Variants in TBXAS1 observed in about 807,000 individuals in gnomAD.
The protein encoded by TBXAS1 is thromboxane-A synthase.
Under a neutral mutation model 60.7 loss-of-function variants are expected in TBXAS1, and 48 were observed. That is an observed-to-expected ratio of 0.79 (90% CI 0.63 to 1.01). The LOEUF (loss-of-function observed/expected upper bound fraction) is 1.01, where lower values mean the gene tolerates loss of function less well. TBXAS1 is among the 50% of genes least tolerant of loss of function. The probability of loss-of-function intolerance (pLI) is 0.00; values close to 1 mark genes in which losing one functional copy is unlikely to be tolerated. For missense variants in TBXAS1, 685 were observed against 686.3 expected, an observed-to-expected ratio of 1.00 and a Z score of 0.02; for synonymous variants, 287 against 269.7, an observed-to-expected ratio of 1.06 and a Z score of -0.63.
At chr7:139,830,831 A>G (rs181318438) in intron 1 of TBXAS1, among the ~76,000 whole-genome samples, 1 of 152,202 alleles carries the variant, frequency 6.6e-6, no homozygotes, top group East Asian at 1.9e-4. Flanking sequence ...ATTCATATTA[A>G]TCTCATCAAT....
intron 5 of TBXAS1, among the ~76,000 whole-genome samples, chr7:139,944,202 G>A (rs1022272684): frequency 2.6e-5 from 4 of 152,158 alleles, no homozygotes; most frequent in Non-Finnish European, 4.4e-5. Flanking sequence ...GAGTAGCACC[G>A]GAATTGAGCT....
chr7:139,909,655 GAGA>G (rs201628094), intron 3 of TBXAS1, among the ~76,000 whole-genome samples: 201 of 152,226 alleles, frequency 1.3e-3, no homozygotes, highest in African/African-American at 4.5e-3. Context: ...CATAGTTAAT[GAGA>G]AGGAGAAGAA....
intron 4 of TBXAS1, among the ~76,000 whole-genome samples, chr7:139,926,593 C>T (rs1806895528): frequency 6.9e-6 from 1 of 145,056 alleles, no homozygotes; most frequent in Non-Finnish European, 1.5e-5. Context: ...TTTATTTTGT[C>T]GATCTTTTGT....
intron 4 of TBXAS1, among the ~76,000 whole-genome samples, chr7:139,793,588 T>C (rs1797458694): frequency 6.6e-6 from 1 of 152,110 alleles, no homozygotes; most frequent in Admixed American, 6.6e-5. Context: ...TGTTATAAAT[T>C]TGATGGACTT....
intron 4 of TBXAS1, among the ~76,000 whole-genome samples, chr7:139,918,112 C>T (rs1271977991): frequency 6.6e-6 from 1 of 152,100 alleles, no homozygotes; most frequent in Non-Finnish European, 1.5e-5. Context: ...TTTCTTCTTC[C>T]CATTTTCCCT....
intron 4 of TBXAS1, among the ~76,000 whole-genome samples, chr7:139,819,758 C>T (rs963954153): frequency 6.6e-6 from 1 of 152,038 alleles, no homozygotes; most frequent in African/African-American, 2.4e-5. Context: ...CTGCCTTGGC[C>T]TCCTAAAGTG....
At chr7:139,986,911 C>T (rs1239993202) in intron 9 of TBXAS1, among the ~76,000 whole-genome samples, 2 of 151,726 alleles carry the variant, frequency 1.3e-5, no homozygotes, top group African/African-American at 2.4e-5. Context: ...CTTTTAACCA[C>T]TATGCGATCT....
chr7:139,788,447 A>G (rs946621947), intron 4 of TBXAS1, among the ~76,000 whole-genome samples: 1 of 152,250 alleles, frequency 6.6e-6, no homozygotes, highest in Non-Finnish European at 1.5e-5. Context: ...AAGTGTCTAG[A>G]ACAGTGCCTT....
intron 9 of TBXAS1, among the ~76,000 whole-genome samples, chr7:139,981,402 C>T (rs1811969002): frequency 6.6e-6 from 1 of 152,256 alleles, no homozygotes; most frequent in Non-Finnish European, 1.5e-5. Context: ...AGGCATGAGC[C>T]ACCATGCCCG....
chr7:139,793,585 A>C (rs1797458587), intron 4 of TBXAS1, among the ~76,000 whole-genome samples: 1 of 152,162 alleles, frequency 6.6e-6, no homozygotes, highest in Non-Finnish European at 1.5e-5. Context: ...TCTTGTTATA[A>C]ATTTGATGGA....
chr7:139,888,897 T>A (rs1803331233), intron 3 of TBXAS1, among the ~76,000 whole-genome samples: 1 of 148,212 alleles, frequency 6.7e-6, no homozygotes. Flanking sequence ...AGGTATAGAG[T>A]GGAGAAGGGG....
intron 9 of TBXAS1, among the ~76,000 whole-genome samples, chr7:139,967,209 G>A (rs1421618792): frequency 1.3e-5 from 2 of 152,142 alleles, no homozygotes; most frequent in African/African-American, 4.8e-5. Flanking sequence ...CACCCACAGT[G>A]GCCACCTTCT....
Position 139,975,956 on chromosome 7 carries a change from G to A in TBXAS1, c.1134+13723G>A, listed in dbSNP as rs995775210. On this transcript the variant is annotated intron_variant, in intron 9 of 12. Coordinates refer to ENST00000448866, the MANE Select transcript of TBXAS1 (RefSeq NM_001061.7). This position sits in a 1 kb window ranked among gnomAD's most constrained non-coding sequence, Gnocchi z 4.4. ...TCTGCCACAGCAGGCACTCTGCTTC[G>A]TGCCTTTCTCACTTCCATTTGTAAA... Among the ~76,000 whole-genome samples, 6 of 152,346 alleles carry A rather than the reference G, an allele frequency of 3.9e-5. No homozygotes were observed. Among genetic ancestry groups the A allele is most frequent in the African/African-American group, 1.4e-4 (6 of 41,574 alleles).
At chr7:139,984,733 A>G (rs960203469) in intron 9 of TBXAS1, among the ~76,000 whole-genome samples, 1 of 147,012 alleles carries the variant, frequency 6.8e-6, no homozygotes, top group Non-Finnish European at 1.5e-5. Flanking sequence ...AAAGAAAGAA[A>G]GAAAGAAGAA....
chr7:140,005,390 C>T (rs965919918), intron 9 of TBXAS1, among the ~76,000 whole-genome samples: 1 of 152,112 alleles, frequency 6.6e-6, no homozygotes, highest in East Asian at 1.9e-4. Context: ...GATCACACCA[C>T]TGCACTCCAG....
intron 3 of TBXAS1, among the ~76,000 whole-genome samples, chr7:139,894,044 G>A (rs117326991): frequency 2.0e-5 from 3 of 152,170 alleles, no homozygotes; most frequent in African/African-American, 7.2e-5. Flanking sequence ...GGCCAGGGGG[G>A]AGGCTATCTT....
At chr7:139,987,968 A>G (rs1378211354) in intron 9 of TBXAS1, among the ~76,000 whole-genome samples, 1 of 152,148 alleles carries the variant, frequency 6.6e-6, no homozygotes, top group Non-Finnish European at 1.5e-5. Context: ...TGTTATTAGT[A>G]TAAGTTTTGG....
intron 10 of TBXAS1, among the ~76,000 whole-genome samples, chr7:140,010,215 C>T (rs146752831): frequency 3.3e-5 from 5 of 152,218 alleles, no homozygotes; most frequent in Non-Finnish European, 5.9e-5. Context: ...CTCACCCAGA[C>T]CAGAGGACAA....
chr7:139,885,041 G>A (rs1348895578), intron 3 of TBXAS1, among the ~76,000 whole-genome samples: 1 of 152,162 alleles, frequency 6.6e-6, no homozygotes, highest in Non-Finnish European at 1.5e-5. Context: ...GCCAGGGCTG[G>A]GCCTGCAGAT....
Sources: allele counts gnomAD v4.1 joint callset (sites outside exome capture counted in the v4.1 genomes callset), GRCh38; gene constraint gnomAD v4.1.1; non-coding constraint Gnocchi (gnomAD v3.1); transcripts MANE v1.5; gene names NCBI Gene and HGNC (gene_info 2026-07-23, HGNC 2026-07-21).